CBX5: variants seen among roughly 807,000 people sequenced by gnomAD.
CBX5 encodes the protein chromobox protein homolog 5.
Under a neutral mutation model 20.7 loss-of-function variants are expected in CBX5, and 7 were observed. That is an observed-to-expected ratio of 0.34 (90% CI 0.19 to 0.63). The LOEUF is 0.63. Ranked by LOEUF, CBX5 falls within the 30% of genes least tolerant of loss-of-function variation. The pLI, the probability that CBX5 is intolerant of heterozygous loss-of-function variation, is 0.75. For synonymous variants in CBX5, 78 were observed against 77.0 expected (o/e 1.01, Z -0.07); for missense variants, 110 against 224.1 (o/e 0.49, Z 3.25).
chr12:54,247,840 A>AT (rs1175819369), intron 3 of CBX5, among the ~76,000 whole-genome samples: 3,072 of 137,842 alleles, frequency 0.022, 85 homozygotes, highest in African/African-American at 0.054. Context: ...CCCCTGGCTA[A>AT]TTTTTTTTTT....
rs1048175300 is a variant in CBX5, at chr12:54,231,104, A to G, written c.*10651T>C. The G allele has an allele frequency of 9.2e-5, 14 of 152,220 alleles. No homozygotes were observed. Among genetic ancestry groups the G allele is most frequent in the African/African-American group, 3.4e-4 (14 of 41,446 alleles). The allele number at this position is 152,220 out of a possible 1,614,324, so 9.4% of individuals were successfully genotyped here. On this transcript the variant is annotated 3_prime_UTR_variant, in exon 5 of 5. Transcript: ENST00000209875. ...ACATTTACATTTAAAAGGTGAACAT[A>G]TATATAGACCACTTATACTTTAAAA...
chr12:54,261,852 C>T (rs545529840), intron 1 of CBX5, among the ~76,000 whole-genome samples: 1 of 152,016 alleles, frequency 6.6e-6, no homozygotes, highest in African/African-American at 2.4e-5. Context: ...TACGTACCTC[C>T]GAGGGAAAAA....
chr12:54,279,312 AC>A (rs969625063), intron 1 of CBX5, among the ~76,000 whole-genome samples: 2 of 152,286 alleles, frequency 1.3e-5, no homozygotes, highest in Non-Finnish European at 2.9e-5. Context: ...ACAAAAAAAA[AC>A]AACTCCTGTT....
rs559245481 is a variant in CBX5, at chr12:54,239,737, A to G, written c.*2018T>C. The stretch of plus-strand genomic sequence containing the variant: ...CCCAATCACATTACCATTCAGAAGG[A>G]TTTTCCTGGCTGACTTAAACCAAAA... On this transcript the variant is annotated 3_prime_UTR_variant, in exon 5 of 5. Transcript: ENST00000209875. 1.3e-5 allele frequency: 2 copies of G among 152,246 alleles called. No homozygotes were observed. The highest frequency in any genetic ancestry group is 3.9e-4 in the East Asian group (2 of 5,190). 9.4% of individuals were successfully genotyped at this position (152,246 alleles called of 1,614,324 possible).
At chr12:54,267,037 A>T (rs1271995630) in intron 1 of CBX5, among the ~76,000 whole-genome samples, 1 of 152,198 alleles carries the variant, frequency 6.6e-6, no homozygotes, top group Non-Finnish European at 1.5e-5. Flanking sequence ...GGTGTTTTCC[A>T]ACAACTTTAT....
At chr12:54,269,395 TTC>T (rs748300143) in intron 1 of CBX5, among the ~76,000 whole-genome samples, 2 of 152,176 alleles carry the variant, frequency 1.3e-5, no homozygotes, top group Non-Finnish European at 2.9e-5. Flanking sequence ...GCTCAGAGTT[TTC>T]TTTTTCTTTT....
At chr12:54,256,067 C>G (rs1297295887) in intron 2 of CBX5, among the ~76,000 whole-genome samples, 1 of 152,204 alleles carries the variant, frequency 6.6e-6, no homozygotes, top group Non-Finnish European at 1.5e-5. Context: ...TTTACTTTGT[C>G]TACCCCAAAC....
intron 3 of CBX5, among the ~76,000 whole-genome samples, chr12:54,251,346 G>A (rs1159948002): frequency 2.6e-4 from 40 of 150,990 alleles, no homozygotes; most frequent in Non-Finnish European, 1.5e-5. Flanking sequence ...GTAAAACCCC[G>A]TCTCTACTAA....
intron 2 of CBX5, among the ~76,000 whole-genome samples, chr12:54,252,979 C>CAAAAAA (rs757909869): frequency 2.1e-5 from 1 of 47,262 alleles, no homozygotes; most frequent in Non-Finnish European, 4.4e-5. Flanking sequence ...GACTCTGTCT[C>CAAAAAA]AAAAAAAAAA....
At chr12:54,242,815 TA>T (rs565224168) in intron 4 of CBX5, among the ~76,000 whole-genome samples, 97 of 151,430 alleles carry the variant, frequency 6.4e-4, no homozygotes, top group Non-Finnish European at 1.0e-3. Context: ...CCAAATCAAT[TA>T]AAAAAAAATT....
Position 54,245,016 on chromosome 12 carries a change from A to T in CBX5, c.425+1099T>A, listed in dbSNP as rs960878224. Among the ~76,000 whole-genome samples the T allele has an allele frequency of 6.6e-3, 940 of 143,470 alleles. 6 individuals carry two copies. The highest frequency in any genetic ancestry group is 0.011 in the Middle Eastern group (3 of 270). 94.1% of individuals were successfully genotyped at this position (143,470 alleles called of 152,430 possible). On this transcript the variant is annotated intron_variant, in intron 4 of 4. Transcript: ENST00000209875. ...GTTTTATATATATATATTTATTATT[A>T]TTTTTTTTTTTTAGAGACGGAGTCT... is the stretch of plus-strand genomic sequence containing the variant.
chr12:54,260,200 G>T (rs541925264), intron 1 of CBX5, among the ~76,000 whole-genome samples: 1 of 144,262 alleles, frequency 6.9e-6, no homozygotes, highest in East Asian at 2.0e-4. Flanking sequence ...ACTAAAATTA[G>T]AGGTGGAGGG....
chr12:54,266,713 A>G (rs1249893695), intron 1 of CBX5, among the ~76,000 whole-genome samples: 1 of 152,228 alleles, frequency 6.6e-6, no homozygotes, highest in Admixed American at 6.5e-5. Context: ...GCTTGAAGGT[A>G]TCAGTCTGGT....
intron 1 of CBX5, among the ~76,000 whole-genome samples, chr12:54,279,271 A>G (rs753655573): frequency 3.3e-5 from 5 of 152,138 alleles, no homozygotes; most frequent in Admixed American, 6.5e-5. Flanking sequence ...TAAAGAAGCG[A>G]CTTCTGAAAG....
chr12:54,243,203 T>C (rs1244755854), intron 4 of CBX5, among the ~76,000 whole-genome samples: 1 of 152,200 alleles, frequency 6.6e-6, no homozygotes, highest in East Asian at 1.9e-4. Flanking sequence ...TTGGAGCAGA[T>C]ACTCAAATTT....
Position 54,236,404 on chromosome 12 carries a change from A to G in CBX5, c.*5351T>C, listed in dbSNP as rs1943623238. 1 of 152,248 alleles carries G rather than the reference A, an allele frequency of 6.6e-6. No individual in the cohort carries two copies. Among genetic ancestry groups the G allele is most frequent in the Non-Finnish European group, 1.5e-5 (1 of 68,048 alleles). 9.4% of individuals were successfully genotyped at this position (152,248 alleles called of 1,614,324 possible). On this transcript the variant is annotated 3_prime_UTR_variant, in exon 5 of 5. Transcript: ENST00000209875. ...ATGAAACCAATGTTGATGTACAGCA[A>G]TGTGGCTGGAATTTAGAAAGCTTAA...
At chr12:54,271,081 T>A (rs758975142) in intron 1 of CBX5, among the ~76,000 whole-genome samples, 6 of 152,154 alleles carry the variant, frequency 3.9e-5, no homozygotes, top group Non-Finnish European at 8.8e-5. Context: ...CCTTTATGAT[T>A]GAATCCTTTT....
chr12:54,273,435 T>G (rs890967153), intron 1 of CBX5: 1 of 151,990 alleles, frequency 6.6e-6, no homozygotes, highest in African/African-American at 2.4e-5. Context: ...AAAGCGAGAC[T>G]CTGTCTCAAA....
intron 1 of CBX5, chr12:54,274,174 G>A (rs1169624503): frequency 1.3e-5 from 2 of 152,220 alleles, no homozygotes; most frequent in Non-Finnish European, 2.9e-5. Context: ...TTGTCACAGT[G>A]GGTGTTCTTC....
Sources: allele counts gnomAD v4.1 joint callset (sites outside exome capture counted in the v4.1 genomes callset), GRCh38; gene constraint gnomAD v4.1.1; transcripts MANE v1.5; gene names NCBI Gene and HGNC (gene_info 2026-07-23, HGNC 2026-07-21).